The following GNG10 variants were observed in gnomAD, a reference collection of about 807,000 sequenced individuals.
The protein encoded by GNG10 is G protein subunit gamma 10.
A neutral mutation model predicts 6.8 loss-of-function variants in GNG10; 7 were observed. That is an observed-to-expected ratio of 1.02 (90% confidence interval 0.58 to 1.92). GNG10 has a LOEUF of 1.92. GNG10 is among the 30% of genes most tolerant of loss of function. The pLI, the probability that GNG10 is intolerant of heterozygous loss-of-function variation, is 0.00. For missense variants in GNG10, 57 were observed against 86.1 expected, an observed-to-expected ratio of 0.66 and a Z score of 1.34; for synonymous variants, 28 against 34.8, an observed-to-expected ratio of 0.80 and a Z score of 0.69.
At chr9:111,668,012 A>G (rs1017917580) in intron 2 of GNG10, among the ~76,000 whole-genome samples, 3 of 152,100 alleles carry the variant, frequency 2.0e-5, no homozygotes, top group Non-Finnish European at 2.9e-5. Context: ...GCATGCCACC[A>G]TGCCCACCTA....
intron 1 of GNG10, among the ~76,000 whole-genome samples, chr9:111,662,245 C>T (rs1406690123): frequency 1.3e-5 from 2 of 151,864 alleles, no homozygotes; most frequent in Admixed American, 6.6e-5. Flanking sequence ...GGGAGTCATC[C>T]GGGAGGTATT....
At chr9:111,667,013 A>G (rs1310045215) in intron 2 of GNG10, 67 bp downstream of exon 2, 1 of 1,569,136 alleles carries the variant, frequency 6.4e-7, no homozygotes, top group Non-Finnish European at 8.6e-7. Flanking sequence ...AAAGGACTTG[A>G]GCAACTGAGT....
chr9:111,661,812 T>G lies in GNG10; in HGVS notation c.81+97T>G. On this transcript the variant is annotated intron_variant, in intron 1 of 2. Coordinates refer to ENST00000374293, the MANE Select transcript of GNG10 (RefSeq NM_001017998.4). The surrounding 1 kb of genome is among the most constrained non-coding windows in gnomAD (Gnocchi z 6.1). ...GACCGGGCGCCAGCGGGGGACTCGGTGGCGGCGGCGAGGCCTCGGCGGGGC... is the reference window on the plus strand; with the variant it reads ...GACCGGGCGCCAGCGGGGGACTCGGGGGCGGCGGCGAGGCCTCGGCGGGGC... The G allele has an allele frequency of 3.1e-6, 2 of 654,554 alleles. No individual in the cohort carries two copies. The highest frequency in any genetic ancestry group is 6.4e-5 in the East Asian group (1 of 15,662). The allele number at this position is 654,554 out of a possible 1,614,324, so 40.5% of individuals were successfully genotyped here.
chr9:111,665,589 T>A (rs1287911718), intron 1 of GNG10, among the ~76,000 whole-genome samples: 1 of 152,182 alleles, frequency 6.6e-6, no homozygotes, highest in Non-Finnish European at 1.5e-5. Flanking sequence ...CAGGAGGCTA[T>A]CTTGGGCTCC....
rs1356439669 is a variant in GNG10, at chr9:111,669,752, C to A, written c.*490C>A. The A allele has an allele frequency of 3.0e-5, 3 of 100,750 alleles. No individual in the cohort carries two copies. Among genetic ancestry groups the A allele is most frequent in the Non-Finnish European group, 5.7e-5 (3 of 52,598 alleles). The allele number at this position is 100,750 out of a possible 1,614,324, so 6.2% of individuals were successfully genotyped here. ...GAATTTATAATTCCTAAATGAAGACCAGAAAGTACAAATTGCTGGGAGGAA... is the reference window on the plus strand; with the variant it reads ...GAATTTATAATTCCTAAATGAAGACAAGAAAGTACAAATTGCTGGGAGGAA... On this transcript the variant is annotated 3_prime_UTR_variant, in exon 3 of 3. Transcript: ENST00000374293.
rs10980998 is a variant in GNG10, at chr9:111,661,907, A to G, written c.81+192A>G. 0.72 allele frequency among the ~76,000 whole-genome samples: 108,412 copies of G among 151,000 alleles called. 39,495 individuals are homozygous for G. Among genetic ancestry groups the G allele is most frequent in the East Asian group, 0.91 (4,553 of 4,994 alleles). Reference sequence around the variant, plus strand: ...CGGGGGCCCGGGCCTGACGGGAGGAAGCCGCGCCTGGGGGGCCCCGCGGTC... The same window carrying G: ...CGGGGGCCCGGGCCTGACGGGAGGAGGCCGCGCCTGGGGGGCCCCGCGGTC... On this transcript the variant is annotated intron_variant, in intron 1 of 2. Transcript: ENST00000374293. This position sits in a 1 kb window ranked among gnomAD's most constrained non-coding sequence, Gnocchi z 6.1.
chr9:111,665,842 T>A (rs1830887726), intron 1 of GNG10, among the ~76,000 whole-genome samples: 1 of 151,682 alleles, frequency 6.6e-6, no homozygotes, highest in South Asian at 2.1e-4. Flanking sequence ...TTCTCCTGCC[T>A]CAACCTCCTG....
intron 1 of GNG10, among the ~76,000 whole-genome samples, chr9:111,663,964 G>T (rs1009744273): frequency 3.6e-4 from 55 of 151,252 alleles, no homozygotes; most frequent in African/African-American, 1.2e-3. Flanking sequence ...GGGATTACGG[G>T]CACCTGCCAC....
At chr9:111,665,619 G>A (rs1830884208) in intron 1 of GNG10, among the ~76,000 whole-genome samples, 1 of 152,178 alleles carries the variant, frequency 6.6e-6, no homozygotes, top group Admixed American at 6.5e-5. Flanking sequence ...TTGTCTTACA[G>A]TTCCACCTGC....
chr9:111,662,506 TCA>T (rs1358608122), intron 1 of GNG10, among the ~76,000 whole-genome samples: 3 of 152,296 alleles, frequency 2.0e-5, no homozygotes, highest in Admixed American at 6.5e-5. Flanking sequence ...AACTGGGGGC[TCA>T]GTCAACATGT....
intron 1 of GNG10, among the ~76,000 whole-genome samples, chr9:111,665,872 G>T (rs1433688786): frequency 6.7e-6 from 1 of 150,242 alleles, no homozygotes; most frequent in African/African-American, 2.5e-5. Flanking sequence ...GATTACAGGT[G>T]CACGCCACCA....
intron 1 of GNG10, among the ~76,000 whole-genome samples, chr9:111,663,444 G>A (rs1187589435): frequency 6.6e-6 from 1 of 152,118 alleles, no homozygotes; most frequent in Non-Finnish European, 1.5e-5. Context: ...AGCCTAGATG[G>A]ATAGAGAAGG....
chr9:111,667,918 G>A (rs184002773), intron 2 of GNG10, among the ~76,000 whole-genome samples: 6 of 151,682 alleles, frequency 4.0e-5, no homozygotes, highest in Admixed American at 1.3e-4. Context: ...GTGCGGTGGC[G>A]CGATCTTGGC....
At chr9:111,667,079 C>T in intron 2 of GNG10, 133 bp downstream of exon 2, 1 of 1,409,354 alleles carries the variant, frequency 7.1e-7, no homozygotes, top group Non-Finnish European at 9.4e-7. Context: ...AAATGCACAA[C>T]TTTCCCTGAA....
At position 111,661,714 on chromosome 9, in the gene GNG10, A is replaced by C; in HGVS notation, c.80A>C (p.Lys27Thr). 1 of 1,356,622 alleles carries C rather than the reference A, an allele frequency of 7.4e-7. No individual in the cohort carries two copies. Among genetic ancestry groups the C allele is most frequent in the Non-Finnish European group, 9.7e-7 (1 of 1,032,828 alleles). The allele number at this position is 1,356,622 out of a possible 1,614,324, so 84.0% of individuals were successfully genotyped here. A position where few individuals can be genotyped will look rare whatever the true frequency, so the allele number is the denominator to read the frequency against. Residue 27 changes from lysine (K) to threonine (T), a missense_variant and splice_region_variant, in exon 1 of 3, where the codon AAG becomes ACG. Coordinates refer to ENST00000374293, the MANE Select transcript of GNG10 (RefSeq NM_001017998.4). This position sits in a 1 kb window ranked among gnomAD's most constrained non-coding sequence, Gnocchi z 6.1. ...LKLEAGVERI[K>T]VSQAAAELQQ... ...TTGGAGGCTGGCGTGGAGAGGATCA[A>C]GGTGCGGGCCCCGGGTACCCACGCT...
chr9:111,663,071 A>C (rs1218832946), intron 1 of GNG10, among the ~76,000 whole-genome samples: 2 of 152,104 alleles, frequency 1.3e-5, no homozygotes, highest in African/African-American at 2.4e-5. Context: ...AGGAAGAAAG[A>C]AGGTAAGGGT....
rs544526750 is a variant in GNG10 at position 111,667,866 on chromosome 9, C to T, written c.*6+920C>T. Among the ~76,000 whole-genome samples the T allele has an allele frequency of 3.3e-5, 5 of 152,108 alleles. No individual in the cohort carries two copies. The South Asian group carries it at 8.3e-4, about 25-fold the overall frequency. The stretch of plus-strand genomic sequence containing the variant: ...GGGGTCATTTTCACAATGTGTTTCC[C>T]CCCTCATCGCCGAGACATCTTGCTC... On this transcript the variant is annotated intron_variant, in intron 2 of 2. Coordinates refer to ENST00000374293, the MANE Select transcript of GNG10 (RefSeq NM_001017998.4).
chr9:111,661,689 T>G lies in GNG10; in HGVS notation c.55T>G (p.Leu19Val). ...GCAGCGCTTGGTAGAGCAGCTCAAG[T>G]TGGAGGCTGGCGTGGAGAGGATCAA... ...ALQRLVEQLK[L>V]EAGVERIKVS... is the part of the protein sequence containing the mutation. Residue 19 changes from leucine (L) to valine (V), a missense_variant, in exon 1 of 3, where the codon TTG (leucine) becomes GTG (valine). Transcript: ENST00000374293. The surrounding 1 kb of genome is among the most constrained non-coding windows in gnomAD (Gnocchi z 6.1). 3.4e-5 allele frequency: 47 copies of G among 1,383,658 alleles called. No individual in the cohort carries two copies. The highest frequency in any genetic ancestry group is 4.4e-5 in the Non-Finnish European group (46 of 1,048,182). The allele number at this position is 1,383,658 out of a possible 1,614,324, so 85.7% of individuals were successfully genotyped here.
chr9:111,666,320 C>T (rs959486317), intron 1 of GNG10, among the ~76,000 whole-genome samples: 1 of 152,140 alleles, frequency 6.6e-6, no homozygotes, highest in Non-Finnish European at 1.5e-5. Flanking sequence ...TCCACGCAGT[C>T]TGGTTCCAGA....
Sources: allele counts gnomAD v4.1 joint callset (sites outside exome capture counted in the v4.1 genomes callset), GRCh38; gene constraint gnomAD v4.1.1; non-coding constraint Gnocchi (gnomAD v3.1); transcripts MANE v1.5; gene names NCBI Gene and HGNC (gene_info 2026-07-23, HGNC 2026-07-21).